ERFL: variants seen among roughly 807,000 people sequenced by gnomAD.
ERFL encodes the protein ETS repressor factor like.
A neutral mutation model predicts 27.9 loss-of-function variants in ERFL; 8 were observed. The observed-to-expected ratio is 0.29, with a 90% CI of 0.17 to 0.52. The LOEUF is 0.52. Ranked by LOEUF, ERFL falls within the 20% of genes least tolerant of loss-of-function variation. The pLI, the probability that ERFL is intolerant of heterozygous loss-of-function variation, is 0.97. For missense variants in ERFL, 294 were observed against 444.4 expected (o/e 0.66, Z 3.04); for synonymous variants, 174 against 202.8 (o/e 0.86, Z 1.21).
At chr19:41,927,189 C>A (rs1555853342) in intron 1 of ERFL, among the ~76,000 whole-genome samples, 1 of 152,014 alleles carries the variant, frequency 6.6e-6, no homozygotes, top group Non-Finnish European at 1.5e-5. Context: ...GAGGAGAGAC[C>A]CAGCCAGGGG....
At position 41,908,833 on chromosome 19, in the gene ERFL, AC is replaced by A. The variant is rs1257831116; in HGVS notation, c.617-158del. On this transcript the variant is annotated intron_variant, in intron 5 of 5. Coordinates refer to ENST00000597630, the MANE Select transcript of ERFL (RefSeq NM_001365103.2). This position sits in a 1 kb window ranked among gnomAD's most constrained non-coding sequence, Gnocchi z 6.7. ...GCTTCCCCCAACTCCATCTCCTCCC[AC>A]TCCCCCACTTGTCTTCCCATTCCTT... Among the ~76,000 whole-genome samples the A allele has an allele frequency of 1.3e-5, 1 of 79,640 alleles. No homozygotes were observed. Among genetic ancestry groups the A allele is most frequent in the Non-Finnish European group, 2.6e-5 (1 of 38,028 alleles). 52.2% of individuals were successfully genotyped at this position (79,640 alleles called of 152,430 possible).
intron 1 of ERFL, among the ~76,000 whole-genome samples, chr19:41,926,712 G>A (rs566432120): frequency 6.6e-6 from 1 of 152,150 alleles, no homozygotes; most frequent in South Asian, 2.1e-4. Context: ...GCGGCCGGCC[G>A]GGAGGGGGGA....
chr19:41,914,922 C>T (rs1408892983), intron 1 of ERFL, among the ~76,000 whole-genome samples: 1 of 130,652 alleles, frequency 7.7e-6, no homozygotes, highest in Non-Finnish European at 1.7e-5. Context: ...CCCCCTCCAC[C>T]ATCTCCGTCT....
In ERFL at chr19:41,914,939, C is replaced by A. The variant is rs375382844; in HGVS notation, c.-13-2007G>T. 7.2e-5 allele frequency among the ~76,000 whole-genome samples: 9 copies of A among 125,622 alleles called. No homozygotes were observed. In the South Asian group the frequency reaches 1.9e-3, roughly 27 times the overall value. 82.4% of individuals were successfully genotyped at this position (125,622 alleles called of 152,430 possible). On this transcript the variant is annotated intron_variant, in intron 1 of 5. Coordinates refer to ENST00000597630, the MANE Select transcript of ERFL (RefSeq NM_001365103.2). ...CCCTCCACCATCTCCGTCTCTGTCTCTCCCTCCTCTTCCACTATCTCTGTC... is the reference window on the plus strand; with the variant it reads ...CCCTCCACCATCTCCGTCTCTGTCTATCCCTCCTCTTCCACTATCTCTGTC...
chr19:41,909,461 TGTA>T lies in ERFL; in HGVS notation c.310_312del (p.Tyr104del). 1 of 1,241,690 alleles carries T rather than the reference TGTA, an allele frequency of 8.1e-7. No homozygotes were observed. The highest frequency in any genetic ancestry group is 4.0e-5 in the South Asian group (1 of 25,306). The allele number at this position is 1,241,690 out of a possible 1,614,324, so 76.9% of individuals were successfully genotyped here. ...TTGGTCTTGTGGAGAATCCGCTTGTTGTAGTAGTAACTGTGGGGAGAGTGGTGG... is the reference window on the plus strand; with the variant it reads ...TTGGTCTTGTGGAGAATCCGCTTGTTGTAGTAACTGTGGGGAGAGTGGTGG... On this transcript the variant is annotated inframe_deletion, in exon 4 of 6. Transcript: ENST00000597630. This position sits in a 1 kb window ranked among gnomAD's most constrained non-coding sequence, Gnocchi z 5.2.
At chr19:41,919,389 C>A (rs953181383) in intron 1 of ERFL, among the ~76,000 whole-genome samples, 2 of 151,914 alleles carry the variant, frequency 1.3e-5, no homozygotes, top group Non-Finnish European at 1.5e-5. Flanking sequence ...ATCAAACATA[C>A]ACAAACAGTC....
chr19:41,919,423 A>C (rs2074824278), intron 1 of ERFL, among the ~76,000 whole-genome samples: 1 of 152,180 alleles, frequency 6.6e-6, no homozygotes, highest in African/African-American at 2.4e-5. Context: ...AGGGCTGGAC[A>C]CACAGTATCA....
intron 1 of ERFL, among the ~76,000 whole-genome samples, chr19:41,918,704 C>T (rs1245034381): frequency 6.7e-6 from 1 of 149,610 alleles, no homozygotes; most frequent in Non-Finnish European, 1.5e-5. Flanking sequence ...ATCCGCCACA[C>T]ACCACACACA....
chr19:41,925,689 C>T (rs1200177408), intron 1 of ERFL, among the ~76,000 whole-genome samples: 12 of 152,058 alleles, frequency 7.9e-5, no homozygotes, highest in South Asian at 6.2e-4. Flanking sequence ...ATGAGTAACC[C>T]GAAATGACAA....
chr19:41,908,288 G>T lies in ERFL; in HGVS notation c.1005C>A (p.Gly335=), dbSNP rs959789383. Residue 335 remains glycine, a synonymous_variant, in exon 6 of 6, where the codon GGC becomes GGA. Coordinates refer to ENST00000597630, the MANE Select transcript of ERFL (RefSeq NM_001365103.2). This position sits in a 1 kb window ranked among gnomAD's most constrained non-coding sequence, Gnocchi z 6.7. The stretch of plus-strand genomic sequence containing the variant: ...TGGGGGGTGCCGGGAGACCCTCATC[G>T]CCCTCGCTGTCAGAGCTGCAGCCGC... ...DVSGCSSDSE[G]DEGLPAPPKA... 43 of 1,231,528 alleles carry T rather than the reference G, an allele frequency of 3.5e-5. No homozygotes were observed. In the African/African-American group the frequency reaches 4.8e-4, roughly 14 times the overall value. 76.3% of individuals were successfully genotyped at this position (1,231,528 alleles called of 1,614,324 possible).
rs1370319895 is a variant in ERFL, at chr19:41,910,049, G to A, written c.116C>T (p.Ser39Leu). 1 of 1,613,486 alleles carries A rather than the reference G, an allele frequency of 6.2e-7. No individual in the cohort carries two copies. Among genetic ancestry groups the A allele is most frequent in the Non-Finnish European group, 8.5e-7 (1 of 1,179,940 alleles). ...AAAGTGCCACAGCTGGATCTGCCTCGAGCCAGGGGATGACTCTGGCTTGTA... is the reference window on the plus strand; with the variant it reads ...AAAGTGCCACAGCTGGATCTGCCTCAAGCCAGGGGATGACTCTGGCTTGTA... ...WAYKPESSPGSRQIQLWHFIL... is the reference protein window; with the variant it reads ...WAYKPESSPGLRQIQLWHFIL... The change falls in exon 3 of 6, where the codon TCG (serine) becomes TTG (leucine). Residue 39 changes from serine to leucine, a missense_variant. Transcript: ENST00000597630. This position sits in a 1 kb window ranked among gnomAD's most constrained non-coding sequence, Gnocchi z 4.4.
rs2074811151 is a variant in ERFL, at chr19:41,917,826, G to T, written c.-13-4894C>A. Among the ~76,000 whole-genome samples the T allele has an allele frequency of 6.6e-6, 1 of 151,710 alleles. No individual in the cohort carries two copies. Among genetic ancestry groups the T allele is most frequent in the Non-Finnish European group, 1.5e-5 (1 of 67,906 alleles). ...ACACACCATGCACAGCCCCAGCCAT[G>T]GGACGGCTGCCAGCCCCACCCATCT... On this transcript the variant is annotated intron_variant, in intron 1 of 5. Transcript: ENST00000597630. The surrounding 1 kb of genome is among the most constrained non-coding windows in gnomAD (Gnocchi z 4.8).
rs1555852033 is a variant in ERFL at position 41,917,411 on chromosome 19, G to GGCC, written c.-13-4482_-13-4480dup. Among the ~76,000 whole-genome samples the GGCC allele has an allele frequency of 1.3e-5, 2 of 151,776 alleles. No homozygotes were observed. Among genetic ancestry groups the GGCC allele is most frequent in the Admixed American group, 1.3e-4 (2 of 15,246 alleles). On this transcript the variant is annotated intron_variant, in intron 1 of 5. Transcript: ENST00000597630. The surrounding 1 kb of genome is among the most constrained non-coding windows in gnomAD (Gnocchi z 4.8). ...TGTTTTGATTTCTCTAAGCTGCGCC[G>GGCC]GCCGCCTCGGGAGCCGCCTCGGGCC...
chr19:41,912,164 C>G (rs782407082), intron 2 of ERFL, among the ~76,000 whole-genome samples: 2 of 152,300 alleles, frequency 1.3e-5, no homozygotes, highest in African/African-American at 4.8e-5. Flanking sequence ...CAGATGTGCA[C>G]GTACAAGCAA....
rs369125007 is a variant in ERFL, at chr19:41,918,970, CCACA to C, written c.-13-6042_-13-6039del. On this transcript the variant is annotated intron_variant, in intron 1 of 5. Coordinates refer to ENST00000597630, the MANE Select transcript of ERFL (RefSeq NM_001365103.2). The stretch of plus-strand genomic sequence containing the variant: ...ACCATACACACATGCACACCACACA[CCACA>C]CACACACACACCGCATATACACCAC... 5.6e-3 allele frequency among the ~76,000 whole-genome samples: 845 copies of C among 150,254 alleles called. 5 individuals carry two copies. The highest frequency in any genetic ancestry group is 0.02 in the African/African-American group (812 of 40,902).
chr19:41,913,661 T>C (rs956810352), intron 1 of ERFL, among the ~76,000 whole-genome samples: 4 of 147,480 alleles, frequency 2.7e-5, no homozygotes, highest in Non-Finnish European at 6.0e-5. Context: ...CAGACACCCC[T>C]TCCCCTCACA....
At chr19:41,925,289 A>AAG (rs146963282) in intron 1 of ERFL, among the ~76,000 whole-genome samples, 2 of 151,936 alleles carry the variant, frequency 1.3e-5, no homozygotes, top group African/African-American at 2.4e-5. Flanking sequence ...CTTGTGCAGC[A>AAG]AGAGAGAGAG....
At position 41,912,436 on chromosome 19, in the gene ERFL, C is replaced by T. The variant is rs116276319; in HGVS notation, c.67+417G>A. ...TCGGTCTGGCCGGGTCGTGCCTGCA[C>T]GTACCCCTGACTGGGCAGTGCCGTC... On this transcript the variant is annotated intron_variant, in intron 2 of 5. Coordinates refer to ENST00000597630, the MANE Select transcript of ERFL (RefSeq NM_001365103.2). 1.6e-3 allele frequency among the ~76,000 whole-genome samples: 247 copies of T among 152,324 alleles called. 2 individuals carry two copies. The highest frequency in any genetic ancestry group is 5.6e-3 in the African/African-American group (234 of 41,578).
intron 1 of ERFL, among the ~76,000 whole-genome samples, chr19:41,924,307 G>A (rs565383308): frequency 1.3e-5 from 2 of 152,156 alleles, no homozygotes; most frequent in South Asian, 4.1e-4. Context: ...GCCTTGACTT[G>A]ACTCAAATCT....
Sources: allele counts gnomAD v4.1 joint callset (sites outside exome capture counted in the v4.1 genomes callset), GRCh38; gene constraint gnomAD v4.1.1; non-coding constraint Gnocchi (gnomAD v3.1); transcripts MANE v1.5; gene names NCBI Gene and HGNC (gene_info 2026-07-23, HGNC 2026-07-21).